The following WDR44 variants were observed in gnomAD, a reference collection of about 807,000 sequenced individuals.
WDR44 encodes the protein WD repeat domain 44, also known as WD repeat-containing protein 44.
A neutral mutation model predicts 65.7 loss-of-function variants in WDR44; 9 were observed. The ratio of observed to expected loss-of-function variants is 0.14; its 90% CI spans 0.08 to 0.24. The LOEUF is 0.24. Among genes scored for constraint, WDR44 ranks in the 10% least tolerant of loss-of-function variants. The probability of loss-of-function intolerance (pLI) is 1.00; values close to 1 mark genes in which losing one functional copy is unlikely to be tolerated. For missense variants in WDR44, 425 were observed against 670.9 expected (o/e 0.63, Z 4.05); for synonymous variants, 220 against 235.2 (o/e 0.94, Z 0.59).
intron 1 of WDR44, among the ~76,000 whole-genome samples, chrX:118,369,572 C>T (rs991405886): frequency 2.9e-5 from 3 of 104,953 alleles, no homozygotes; most frequent in South Asian, 9.0e-4. Flanking sequence ...CAGGTTCACG[C>T]CATTCTCCTG....
chrX:118,346,800 A>G lies in WDR44; in HGVS notation c.77+220A>G, dbSNP rs1291545705. On this transcript the variant is annotated intron_variant, in intron 1 of 19. Coordinates refer to ENST00000254029, the MANE Select transcript of WDR44 (RefSeq NM_019045.5). ...CGGGCAGCCTCCCGGCCGTTTCCCT[A>G]CTGAACGGTCCCAGGGTCGGTCTCG... Among the ~76,000 whole-genome samples the G allele has an allele frequency of 2.4e-4, 26 of 110,118 alleles. No homozygotes were observed. In the Admixed American group the frequency reaches 2.5e-3, roughly 11 times the overall value.
chrX:118,396,628 G>A (rs1184925043), intron 6 of WDR44, among the ~76,000 whole-genome samples: 1 of 111,773 alleles, frequency 8.9e-6, no homozygotes, highest in Non-Finnish European at 1.9e-5. Context: ...TATAGAGACA[G>A]AAAGTAGATT....
rs755109025 is a variant in WDR44 at position 118,448,653 on chromosome X, G to C, written c.2648-240G>C. On this transcript the variant is annotated intron_variant, in intron 19 of 19. Coordinates refer to ENST00000254029, the MANE Select transcript of WDR44 (RefSeq NM_019045.5). ...CCAAGCATCCAGGCCCCAAGAGACT[G>C]TAATATCCTCAAGCCAGGGAAAGAC... is the stretch of plus-strand genomic sequence containing the variant. 2.7e-5 allele frequency among the ~76,000 whole-genome samples: 3 copies of C among 111,468 alleles called. No homozygotes were observed. The East Asian group carries it at 8.5e-4, about 31-fold the overall frequency.
rs893255176 is a variant in WDR44 at position 118,351,720 on chromosome X, C to T, written c.77+5140C>T. Among the ~76,000 whole-genome samples, 39 of 111,154 alleles carry T rather than the reference C, an allele frequency of 3.5e-4. No individual in the cohort carries two copies. In the Admixed American group the frequency reaches 3.6e-3, roughly 10 times the overall value. On this transcript the variant is annotated intron_variant, in intron 1 of 19. Transcript: ENST00000254029. ...ATCTCAGCAGTTTGGGAGGCTGAGG[C>T]GGGTGGATCACCTGAGGTCAGGAGT... is the stretch of plus-strand genomic sequence containing the variant.
intron 12 of WDR44, among the ~76,000 whole-genome samples, chrX:118,413,097 T>G (rs949727930): frequency 8.9e-6 from 1 of 112,528 alleles, no homozygotes; most frequent in Non-Finnish European, 1.9e-5. Flanking sequence ...CGTTGATTGA[T>G]GGGCATTTGG....
chrX:118,416,035 T>C (rs749190164), intron 12 of WDR44, among the ~76,000 whole-genome samples: 15 of 112,209 alleles, frequency 1.3e-4, no homozygotes, highest in African/African-American at 4.8e-4. Context: ...ATATCTCCTG[T>C]TTCTCTTCTT....
intron 13 of WDR44, among the ~76,000 whole-genome samples, chrX:118,436,323 T>G (rs945643215): frequency 4.5e-5 from 5 of 112,134 alleles, no homozygotes; most frequent in African/African-American, 1.6e-4. Flanking sequence ...GTTATCAATG[T>G]GAAAATAACT....
At chrX:118,438,943 A>G (rs1258760628) in intron 14 of WDR44, among the ~76,000 whole-genome samples, 3 of 105,799 alleles carry the variant, frequency 2.8e-5, no homozygotes, top group African/African-American at 1.0e-4. Context: ...GCACCACCAC[A>G]TCCAGCTAAT....
intron 1 of WDR44, among the ~76,000 whole-genome samples, chrX:118,363,849 G>A (rs2056531849): frequency 8.9e-6 from 1 of 112,207 alleles, no homozygotes; most frequent in African/African-American, 3.2e-5. Flanking sequence ...ATCATATTGA[G>A]TAATTAATAG....
chrX:118,449,686 T>G lies in WDR44; in HGVS notation c.*699T>G, dbSNP rs183451286. 103 of 110,536 alleles carry G rather than the reference T, an allele frequency of 9.3e-4. 3 individuals are homozygous for G. The highest frequency in any genetic ancestry group is 4.6e-4 in the Non-Finnish European group (24 of 52,616). 9.1% of individuals were successfully genotyped at this position (110,536 alleles called of 1,213,427 possible). A position where few individuals can be genotyped will look rare whatever the true frequency, so the allele number is the denominator to read the frequency against. On this transcript the variant is annotated 3_prime_UTR_variant, in exon 20 of 20. Coordinates refer to ENST00000254029, the MANE Select transcript of WDR44 (RefSeq NM_019045.5). ...CCATGAGCACCAGGCTTTGCTCACT[T>G]AAAAAAAAATTAAGCCACATTAAGG...
intron 1 of WDR44, among the ~76,000 whole-genome samples, chrX:118,361,443 T>C (rs755537027): frequency 1.8e-5 from 2 of 112,242 alleles, no homozygotes; most frequent in Non-Finnish European, 3.8e-5. Flanking sequence ...TTTAAAGTTA[T>C]TTTTAAAAAG....
At chrX:118,444,290 A>G (rs1387840891) in intron 18 of WDR44, 70 bp from the exon 19 acceptor site, 3 of 1,102,239 alleles carry the variant, frequency 2.7e-6, no homozygotes, top group South Asian at 2.3e-5. Context: ...TATTTGGCAT[A>G]TAACATACAC....
intron 1 of WDR44, among the ~76,000 whole-genome samples, chrX:118,371,743 T>C (rs1404952365): frequency 2.7e-5 from 3 of 111,345 alleles, no homozygotes; most frequent in Non-Finnish European, 3.8e-5. Flanking sequence ...AAATGAACTT[T>C]TGAAGCTCTC....
chrX:118,446,480 T>C (rs1368693965), intron 19 of WDR44, among the ~76,000 whole-genome samples: 1 of 111,878 alleles, frequency 8.9e-6, no homozygotes, highest in African/African-American at 3.2e-5. Flanking sequence ...ATTGACTGTA[T>C]TGTCTCATGC....
At chrX:118,373,084 C>T (rs915167874) in intron 1 of WDR44, among the ~76,000 whole-genome samples, 3 of 109,963 alleles carry the variant, frequency 2.7e-5, no homozygotes, top group Admixed American at 1.9e-4. Flanking sequence ...AGCAAAACTC[C>T]GTCTCAAAAA....
chrX:118,346,651 C>T (rs1330522527), intron 1 of WDR44, 71 bp downstream of exon 1: 3 of 853,917 alleles, frequency 3.5e-6, no homozygotes, highest in Non-Finnish European at 4.9e-6. Context: ...CTTCCCCCTA[C>T]ACCCCTCCCA....
At position 118,359,053 on chromosome X, in the gene WDR44, G is replaced by A. The variant is rs754153804; in HGVS notation, c.77+12473G>A. On this transcript the variant is annotated intron_variant, in intron 1 of 19. Transcript: ENST00000254029. ...CACACCACTGCACTCCAGCCTGGGC[G>A]ACAGAGTGAGACTCCATCTCAAAAC... 1.2e-4 allele frequency among the ~76,000 whole-genome samples: 12 copies of A among 100,996 alleles called. No homozygotes were observed. The East Asian group carries it at 3.9e-3, about 33-fold the overall frequency. 87.7% of individuals were successfully genotyped at this position (100,996 alleles called of 115,157 possible). A position where few individuals can be genotyped will look rare whatever the true frequency, so the allele number is the denominator to read the frequency against.
At chrX:118,410,549 CCCTTGAGACTAA>C (rs1288854773) in intron 11 of WDR44, among the ~76,000 whole-genome samples, 1 of 111,485 alleles carries the variant, frequency 9.0e-6, no homozygotes, top group Admixed American at 9.6e-5. Flanking sequence ...TTTTCAGTGG[CCCTTGAGACTAA>C]CCCCAGCCCT....
At position 118,351,672 on chromosome X, in the gene WDR44, G is replaced by A. The variant is rs188902417; in HGVS notation, c.77+5092G>A. Among the ~76,000 whole-genome samples the A allele has an allele frequency of 3.0e-4, 33 of 111,553 alleles. No individual in the cohort carries two copies. In the South Asian group the frequency reaches 9.8e-3, roughly 33 times the overall value. ...GTTCTAAATTTAGTGACATCCGGCC[G>A]GGCACCATGACTCACGCCTGTAATC... On this transcript the variant is annotated intron_variant, in intron 1 of 19. Transcript: ENST00000254029.
Sources: gnomAD v4.1 joint callset for allele counts (sites outside exome capture counted in the v4.1 genomes callset) on GRCh38, gnomAD v4.1.1 for gene constraint, MANE v1.5 for transcripts, NCBI Gene and HGNC (gene_info 2026-07-23, HGNC 2026-07-21) for gene names.